NBEA: variants seen among roughly 807,000 people sequenced by gnomAD.
NBEA encodes lysosomal-trafficking regulator 2.
Under a neutral mutation model 343.4 loss-of-function variants are expected in NBEA, and 44 were observed. That is an observed-to-expected ratio of 0.13 (90% CI 0.10 to 0.16). NBEA has a LOEUF of 0.16. Ranked by LOEUF, NBEA falls within the 10% of genes least tolerant of loss-of-function variation. NBEA has a pLI of 1.00. For missense variants in NBEA, 2,555 were observed against 3,631.3 expected (o/e 0.70, Z 7.62); for synonymous variants, 1,175 against 1,238.7 (o/e 0.95, Z 1.08).
At chr13:35,000,965 TG>T (rs950772048) in intron 1 of NBEA, among the ~76,000 whole-genome samples, 2 of 151,844 alleles carry the variant, frequency 1.3e-5, no homozygotes, top group African/African-American at 2.4e-5. Context: ...GGTTTTTTTT[TG>T]TTGTTGTTGT....
chr13:35,407,035 C>T (rs568743321), intron 38 of NBEA, among the ~76,000 whole-genome samples: 4 of 150,592 alleles, frequency 2.7e-5, no homozygotes, highest in Admixed American at 6.6e-5. Context: ...TCTCAGCTCA[C>T]GGCACCCTCT....
chr13:35,491,548 C>T (rs2076499689), intron 41 of NBEA, among the ~76,000 whole-genome samples: 1 of 151,830 alleles, frequency 6.6e-6, no homozygotes, highest in African/African-American at 2.4e-5. Context: ...TCTTTGACTC[C>T]TCGCTTGCTT....
At chr13:35,169,019 T>C in intron 25 of NBEA, 24 bp downstream of exon 25, 1 of 1,476,264 alleles carries the variant, frequency 6.8e-7, no homozygotes, top group African/African-American at 1.4e-5. Flanking sequence ...TTGTAGTAAT[T>C]TTCAGCTTTC....
intron 34 of NBEA, among the ~76,000 whole-genome samples, chr13:35,274,075 G>C (rs1414690970): frequency 6.6e-6 from 1 of 152,094 alleles, no homozygotes; most frequent in Non-Finnish European, 1.5e-5. Flanking sequence ...AAGAATTTTA[G>C]ACCAATATCC....
At chr13:35,295,885 T>C (rs2036096306) in intron 35 of NBEA, among the ~76,000 whole-genome samples, 1 of 152,144 alleles carries the variant, frequency 6.6e-6, no homozygotes, top group Admixed American at 6.6e-5. Flanking sequence ...TGTTGAATTC[T>C]TTTTTTAAAA....
chr13:35,079,936 G>C (rs2064302236), intron 10 of NBEA, among the ~76,000 whole-genome samples: 1 of 152,012 alleles, frequency 6.6e-6, no homozygotes, highest in South Asian at 2.1e-4. Context: ...ATACTGCATG[G>C]CTTGAATGAT....
At chr13:35,452,447 ATT>A (rs950061858) in intron 40 of NBEA, among the ~76,000 whole-genome samples, 7 of 152,328 alleles carry the variant, frequency 4.6e-5, no homozygotes, top group Non-Finnish European at 7.4e-5. Context: ...ATATCATCAA[ATT>A]TCTAGGTAAT....
At chr13:34,953,267 A>G (rs968276031) in intron 1 of NBEA, among the ~76,000 whole-genome samples, 7 of 152,232 alleles carry the variant, frequency 4.6e-5, no homozygotes, top group African/African-American at 1.7e-4. Context: ...AAAATGTCAT[A>G]GAATTATTTC....
chr13:35,276,101 A>T (rs2034565080), intron 34 of NBEA, among the ~76,000 whole-genome samples: 1 of 152,210 alleles, frequency 6.6e-6, no homozygotes, highest in Non-Finnish European at 1.5e-5. Context: ...AGTCAGTATA[A>T]GATGACTTTA....
chr13:35,530,917 A>T (rs2078232134), intron 41 of NBEA, among the ~76,000 whole-genome samples: 1 of 152,210 alleles, frequency 6.6e-6, no homozygotes, highest in Non-Finnish European at 1.5e-5. Flanking sequence ...AGCTGTCTTC[A>T]TTTTTGAGCT....
At chr13:35,098,430 T>C (rs543137534) in intron 11 of NBEA, 25 bp downstream of exon 11, 1 of 1,496,614 alleles carries the variant, frequency 6.7e-7, no homozygotes, top group African/African-American at 1.4e-5. Flanking sequence ...TTGATGGTTT[T>C]ATTGTGTAGC....
chr13:35,640,679 A>G (rs1485176171), intron 49 of NBEA, among the ~76,000 whole-genome samples: 3 of 152,206 alleles, frequency 2.0e-5, no homozygotes, highest in African/African-American at 7.2e-5. Flanking sequence ...GAGGGGACAA[A>G]AGAGAAAGTG....
chr13:35,020,514 T>C (rs2061801160), intron 1 of NBEA, among the ~76,000 whole-genome samples: 1 of 152,182 alleles, frequency 6.6e-6, no homozygotes, highest in Admixed American at 6.5e-5. Context: ...ATAGTGTTGC[T>C]GAAATCTTCT....
At chr13:35,306,177 A>G (rs1043630866) in intron 35 of NBEA, among the ~76,000 whole-genome samples, 1 of 151,774 alleles carries the variant, frequency 6.6e-6, no homozygotes, top group Non-Finnish European at 1.5e-5. Context: ...ATAAACTTTT[A>G]TTTTTTCCTG....
rs1192757561 is a variant in NBEA at position 35,335,558 on chromosome 13, C to G, written c.5904-13550C>G. Among the ~76,000 whole-genome samples, 6 of 152,164 alleles carry G rather than the reference C, an allele frequency of 3.9e-5. No homozygotes were observed. In the South Asian group the frequency reaches 1.0e-3, roughly 26 times the overall value. ...TAAATTTCCTTATCAAGATCTTTCA[C>G]TTCTTAGGTTAGATAAGTTAGGTGT... is the stretch of plus-strand genomic sequence containing the variant. On this transcript the variant is annotated intron_variant, in intron 36 of 58. Transcript: ENST00000379939.
At chr13:35,169,074 G>T in intron 25 of NBEA, 79 bp downstream of exon 25, 1 of 1,141,648 alleles carries the variant, frequency 8.8e-7, no homozygotes. Flanking sequence ...TTTTGACTTG[G>T]TTATATTTTG....
chr13:35,352,728 A>G (rs1203579190), intron 38 of NBEA, among the ~76,000 whole-genome samples: 2 of 152,096 alleles, frequency 1.3e-5, no homozygotes, highest in African/African-American at 4.8e-5. Context: ...ATATATAAGC[A>G]TATACTACAG....
At chr13:35,179,262 T>C (rs2071135538) in intron 28 of NBEA, among the ~76,000 whole-genome samples, 3 of 151,610 alleles carry the variant, frequency 2.0e-5, no homozygotes, top group South Asian at 4.1e-4. Flanking sequence ...GGATAATATG[T>C]ATTTAGTGCT....
intron 41 of NBEA, among the ~76,000 whole-genome samples, chr13:35,513,523 T>A (rs1166697444): frequency 6.6e-6 from 1 of 151,928 alleles, no homozygotes; most frequent in East Asian, 1.9e-4. Flanking sequence ...GTTTAAATGA[T>A]TCTGTGGTAT....
Sources: gnomAD v4.1 joint callset for allele counts (sites outside exome capture counted in the v4.1 genomes callset) on GRCh38, gnomAD v4.1.1 for gene constraint, MANE v1.5 for transcripts, NCBI Gene and HGNC (gene_info 2026-07-23, HGNC 2026-07-21) for gene names.